The following PHF21A variants were observed in gnomAD, a reference collection of about 807,000 sequenced individuals.
PHF21A encodes BHC80a.
Under a neutral mutation model 82.5 loss-of-function variants are expected in PHF21A, and 11 were observed. The observed-to-expected ratio is 0.13, with a 90% CI of 0.08 to 0.22. PHF21A has a LOEUF of 0.22. Ranked by LOEUF, PHF21A falls within the 10% of genes least tolerant of loss-of-function variation. The probability of loss-of-function intolerance (pLI) is 1.00; values close to 1 mark genes in which losing one functional copy is unlikely to be tolerated. For missense variants in PHF21A, 579 were observed against 837.8 expected, an observed-to-expected ratio of 0.69 and a Z score of 3.81; for synonymous variants, 297 against 302.8, an observed-to-expected ratio of 0.98 and a Z score of 0.20.
intron 6 of PHF21A, among the ~76,000 whole-genome samples, chr11:46,055,829 C>T (rs930653440): frequency 3.9e-5 from 6 of 152,132 alleles, no homozygotes; most frequent in East Asian, 1.9e-4. Flanking sequence ...AATTTTTAAA[C>T]GCTCAACATA....
At chr11:46,071,842 A>G (rs1183887672) in intron 6 of PHF21A, among the ~76,000 whole-genome samples, 1 of 152,224 alleles carries the variant, frequency 6.6e-6, no homozygotes, top group East Asian at 1.9e-4. Context: ...ATGTTCTCAA[A>G]GAACACTCAA....
rs368312019 is a variant in PHF21A at position 46,063,351 on chromosome 11, C to A, written c.153+13403G>T. ...GTTGAGTGCCTCTCTGGTTAAATTT[C>A]TCTAGAGTAAGATTGGCAAACTTTC... On this transcript the variant is annotated intron_variant, in intron 6 of 18. Coordinates refer to ENST00000676320, the MANE Select transcript of PHF21A (RefSeq NM_001352027.3). Among the ~76,000 whole-genome samples the A allele has an allele frequency of 8.5e-5, 13 of 152,152 alleles. No homozygotes were observed. In the East Asian group the frequency reaches 1.7e-3, roughly 20 times the overall value.
chr11:46,016,726 G>T (rs533376356), intron 6 of PHF21A, among the ~76,000 whole-genome samples: 1 of 151,990 alleles, frequency 6.6e-6, no homozygotes, highest in East Asian at 1.9e-4. Context: ...GGGAGACTAG[G>T]TCTTGCTGAT....
intron 6 of PHF21A, among the ~76,000 whole-genome samples, chr11:46,031,334 T>C (rs1264767952): frequency 2.6e-5 from 4 of 152,206 alleles, no homozygotes; most frequent in Non-Finnish European, 2.9e-5. Context: ...TTCCTTTCCA[T>C]ATAGCACTGC....
At chr11:45,986,164 T>G (rs564410360) in intron 6 of PHF21A, among the ~76,000 whole-genome samples, 1 of 149,738 alleles carries the variant, frequency 6.7e-6, no homozygotes, top group South Asian at 2.1e-4. Context: ...ATGAGACCCT[T>G]TATTAATATC....
intron 6 of PHF21A, among the ~76,000 whole-genome samples, chr11:45,985,426 A>C (rs954430002): frequency 2.0e-5 from 3 of 152,230 alleles, no homozygotes; most frequent in African/African-American, 7.2e-5. Flanking sequence ...AAAAACACAG[A>C]ATGCCATTTT....
Position 45,953,531 on chromosome 11 carries a change from G to C in PHF21A, c.1091C>G (p.Pro364Arg). ...CCTTTGGAAACATAGGCCTACCTGA[G>C]GGTTCTCCTCCCGTTTTGGTTTGGG... ...AAPKPKREEN[P>R]QKLAFMVSLG... Residue 364 changes from proline to arginine, a missense_variant, in exon 11 of 19, where the codon CCT becomes CGT. By Grantham distance (103) the Pro-to-Arg change is moderately radical. This residue lies in a region of PHF21A where 410 missense variants were observed against 642.1 expected (regional missense o/e 0.64). Transcript: ENST00000676320. The C allele has an allele frequency of 6.2e-7, 1 of 1,607,006 alleles. No homozygotes were observed. Among genetic ancestry groups the C allele is most frequent in the Non-Finnish European group, 8.5e-7 (1 of 1,173,576 alleles).
intron 3 of PHF21A, among the ~76,000 whole-genome samples, chr11:46,088,766 G>C (rs2096886469): frequency 3.9e-5 from 6 of 152,082 alleles, no homozygotes; most frequent in African/African-American, 1.4e-4. Context: ...CTTTTTAATA[G>C]AACTTCTCTA....
intron 6 of PHF21A, among the ~76,000 whole-genome samples, chr11:46,066,120 G>GA (rs771560407): frequency 6.6e-6 from 1 of 152,150 alleles, no homozygotes; most frequent in Non-Finnish European, 1.5e-5. Context: ...AAGCCAGACA[G>GA]AAAAAAGTAG....
chr11:46,048,194 T>C, intron 6 of PHF21A, among the ~76,000 whole-genome samples: 1 of 152,202 alleles, frequency 6.6e-6, no homozygotes, highest in East Asian at 1.9e-4. Flanking sequence ...CAACCATTAA[T>C]TGACTTTCTG....
intron 6 of PHF21A, among the ~76,000 whole-genome samples, chr11:46,052,965 A>G (rs565618364): frequency 6.6e-6 from 1 of 152,326 alleles, no homozygotes; most frequent in Admixed American, 6.5e-5. Context: ...ATGAAGTAGA[A>G]GAATAATTCT....
chr11:46,121,214 T>C lies in PHF21A; in HGVS notation c.-516A>G. ...TCTCTCTCTCTCTCTGGGCTGTTTCTTTCCTCCTCTTCCCCAGGCAAGGGG... is the reference window on the plus strand; with the variant it reads ...TCTCTCTCTCTCTCTGGGCTGTTTCCTTCCTCCTCTTCCCCAGGCAAGGGG... On this transcript the variant is annotated 5_prime_UTR_variant, in exon 1 of 19. Transcript: ENST00000676320. 7.1e-6 allele frequency: 1 copy of C among 141,156 alleles called. No individual in the cohort carries two copies. The highest frequency in any genetic ancestry group is 1.5e-5 in the Non-Finnish European group (1 of 65,980). 8.7% of individuals were successfully genotyped at this position (141,156 alleles called of 1,614,324 possible).
intron 6 of PHF21A, among the ~76,000 whole-genome samples, chr11:46,046,963 T>C (rs1017640115): frequency 6.6e-6 from 1 of 152,202 alleles, no homozygotes; most frequent in African/African-American, 2.4e-5. Context: ...GAGGATGACA[T>C]GGGCAGGTCA....
intron 1 of PHF21A, among the ~76,000 whole-genome samples, chr11:46,106,988 C>T (rs887703383): frequency 6.6e-6 from 1 of 152,210 alleles, no homozygotes; most frequent in African/African-American, 2.4e-5. Flanking sequence ...AAGTCCCACA[C>T]CTTTTACCAA....
intron 10 of PHF21A, among the ~76,000 whole-genome samples, chr11:45,954,670 C>A (rs1332151262): frequency 1.3e-5 from 2 of 152,152 alleles, no homozygotes; most frequent in Non-Finnish European, 2.9e-5. Context: ...ATGTCTAACT[C>A]ATTTTATGAA....
chr11:46,008,279 AAT>A (rs2095340847), intron 6 of PHF21A, among the ~76,000 whole-genome samples: 1 of 152,188 alleles, frequency 6.6e-6, no homozygotes, highest in Non-Finnish European at 1.5e-5. Flanking sequence ...CTTCAATTGA[AAT>A]TTTCCTGTGT....
chr11:45,966,680 C>T (rs1429591156), intron 9 of PHF21A, among the ~76,000 whole-genome samples: 9 of 152,040 alleles, frequency 5.9e-5, no homozygotes, highest in Admixed American at 2.0e-4. Flanking sequence ...AGTGCAGTGG[C>T]GCGACCTCGG....
chr11:46,110,389 C>T (rs956909004), intron 1 of PHF21A, among the ~76,000 whole-genome samples: 2 of 152,130 alleles, frequency 1.3e-5, no homozygotes, highest in African/African-American at 4.8e-5. Flanking sequence ...AAAAAGAAAA[C>T]TGTGTTCAAT....
intron 3 of PHF21A, among the ~76,000 whole-genome samples, chr11:46,085,179 G>A (rs2096842053): frequency 6.6e-6 from 1 of 152,082 alleles, no homozygotes; most frequent in African/African-American, 2.4e-5. Flanking sequence ...CAAATACAAT[G>A]CAATATAACT....
Sources: gnomAD v4.1 joint callset for allele counts (sites outside exome capture counted in the v4.1 genomes callset) on GRCh38, gnomAD v4.1.1 for gene constraint, gnomAD v4.1.1 regional missense constraint, MANE v1.5 for transcripts, NCBI Gene and HGNC (gene_info 2026-07-23, HGNC 2026-07-21) for gene names.